NF1: variants seen among roughly 807,000 people sequenced by gnomAD.
The protein encoded by NF1 is neurofibromin 1.
A neutral mutation model predicts 325.7 loss-of-function variants in NF1; 122 were observed. The observed-to-expected ratio is 0.37, with a 90% CI of 0.32 to 0.44. The LOEUF (loss-of-function observed/expected upper bound fraction) is 0.44, where lower values mean the gene tolerates loss of function less well. Ranked by LOEUF, NF1 falls within the 20% of genes least tolerant of loss-of-function variation. The pLI is 1.00. For missense variants in NF1, 2,140 were observed against 3,415.4 expected (o/e 0.63, Z 9.31); for synonymous variants, 1,091 against 1,186.0 (o/e 0.92, Z 1.65).
At chr17:31,282,461 T>A (rs548262228) in intron 36 of NF1, among the ~76,000 whole-genome samples, 1 of 152,116 alleles carries the variant, frequency 6.6e-6, no homozygotes, top group South Asian at 2.1e-4. Context: ...TTAAACATTT[T>A]CATCACTCCA....
At chr17:31,100,397 G>A (rs918494290) in intron 1 of NF1, among the ~76,000 whole-genome samples, 3 of 152,030 alleles carry the variant, frequency 2.0e-5, no homozygotes, top group Non-Finnish European at 2.9e-5. Flanking sequence ...TTTTTATAAG[G>A]CCTTATAGTA....
rs1597866772 is a variant in NF1 at position 31,357,259 on chromosome 17, A to G, written c.7870-10A>G. The stretch of plus-strand genomic sequence containing the variant: ...AAATGTTGTGTGTTTACTTTTTTGC[A>G]TCTTGGCAGGCTACACTGGTAAAAT... On this transcript the variant is annotated splice_polypyrimidine_tract_variant and intron_variant, in intron 53 of 57. Transcript: ENST00000358273. The G allele has an allele frequency of 6.2e-7, 1 of 1,613,100 alleles. No individual in the cohort carries two copies. Among genetic ancestry groups the G allele is most frequent in the Non-Finnish European group, 8.5e-7 (1 of 1,179,164 alleles).
intron 36 of NF1, among the ~76,000 whole-genome samples, chr17:31,298,580 C>T (rs892955365): frequency 6.6e-6 from 1 of 151,902 alleles, no homozygotes; most frequent in African/African-American, 2.4e-5. Flanking sequence ...ACTAATGTTC[C>T]TCGAAAAGTA....
intron 29 of NF1, among the ~76,000 whole-genome samples, chr17:31,247,907 G>A (rs17880910): frequency 0.026 from 3,929 of 152,180 alleles, 192 homozygotes; most frequent in African/African-American, 0.089. Flanking sequence ...AAAAAGTAAA[G>A]ACCTACATCA....
intron 36 of NF1, among the ~76,000 whole-genome samples, chr17:31,293,100 C>G (rs1056997872): frequency 7.4e-6 from 1 of 135,772 alleles, no homozygotes; most frequent in African/African-American, 2.6e-5. Flanking sequence ...ATTGCTTGAA[C>G]CTGGGAGGGG....
In NF1 at chr17:31,232,211, A is replaced by C. The variant is rs2151433957; in HGVS notation, c.3314+22A>C. On this transcript the variant is annotated intron_variant, in intron 25 of 57. Coordinates refer to ENST00000358273, the MANE Select transcript of NF1 (RefSeq NM_001042492.3). ...TTAAGTAAATTTCAGTCACCAAAAAACATAAAGCAAAAAGCAAATAAAGCC... is the reference window on the plus strand; with the variant it reads ...TTAAGTAAATTTCAGTCACCAAAAACCATAAAGCAAAAAGCAAATAAAGCC... 6 of 1,486,480 alleles carry C rather than the reference A, an allele frequency of 4.0e-6. No individual in the cohort carries two copies. The South Asian group carries it at 6.8e-5, about 17-fold the overall frequency. 92.1% of individuals were successfully genotyped at this position (1,486,480 alleles called of 1,614,324 possible).
In NF1 at chr17:31,174,004, T is replaced by C. The variant is rs2065975756; in HGVS notation, c.586+4007T>C. Among the ~76,000 whole-genome samples, 4 of 152,322 alleles carry C rather than the reference T, an allele frequency of 2.6e-5. No individual in the cohort carries two copies. In the South Asian group the frequency reaches 8.3e-4, roughly 32 times the overall value. On this transcript the variant is annotated intron_variant, in intron 5 of 57. Transcript: ENST00000358273. The stretch of plus-strand genomic sequence containing the variant: ...AAAAACTGATTTGGAGAGTTACTTA[T>C]TTGCAAGTCCAGAAAAAAGACTCAT...
Position 31,263,120 on chromosome 17 carries a change from T to TAAGATAAGATA in NF1, c.4724+1264_4724+1265insAGATAAGATAA, listed in dbSNP as rs1555619189. Among the ~76,000 whole-genome samples the TAAGATAAGATA allele has an allele frequency of 2.2e-3, 208 of 95,768 alleles. 2 individuals carry two copies. Among genetic ancestry groups the TAAGATAAGATA allele is most frequent in the African/African-American group, 5.4e-3 (197 of 36,686 alleles). 62.8% of individuals were successfully genotyped at this position (95,768 alleles called of 152,430 possible). On this transcript the variant is annotated intron_variant, in intron 35 of 57. Transcript: ENST00000358273. Reference sequence around the variant, plus strand: ...GTAGGTAGGTAGGTAGATAGATAGATAGATAAGATAAGATAAGATAAGATA... The same window carrying TAAGATAAGATA: ...GTAGGTAGGTAGGTAGATAGATAGATAAGATAAGATAAGATAAGATAAGATAAGATAAGATA...
chr17:31,330,273 A>G lies in NF1; in HGVS notation c.5610-23A>G, dbSNP rs535420665. On this transcript the variant is annotated intron_variant, in intron 38 of 57. Coordinates refer to ENST00000358273, the MANE Select transcript of NF1 (RefSeq NM_001042492.3). ...ATAAGGAAAAATACGTTTTAAAACA[A>G]CTTCATTTGTGTTTTCTCCTAGGTC... 2.5e-6 allele frequency: 4 copies of G among 1,608,808 alleles called. No homozygotes were observed. The East Asian group carries it at 6.7e-5, about 27-fold the overall frequency.
At chr17:31,304,309 T>G in intron 36 of NF1, 1 of 1,613,816 alleles carries the variant, frequency 6.2e-7, no homozygotes, top group Non-Finnish European at 8.5e-7. Flanking sequence ...ATTAAGATCT[T>G]GATCAGAGTT....
chr17:31,295,541 T>G, intron 36 of NF1: 1 of 1,614,160 alleles, frequency 6.2e-7, no homozygotes, highest in Non-Finnish European at 8.5e-7. Flanking sequence ...ATACATGTTA[T>G]GTTCCTTTAA....
chr17:31,117,830 GTCCCTT>G (rs1914087807), intron 1 of NF1, among the ~76,000 whole-genome samples: 1 of 152,006 alleles, frequency 6.6e-6, no homozygotes, highest in Non-Finnish European at 1.5e-5. Context: ...ATGGCAGAAT[GTCCCTT>G]GTTTACCATT....
intron 5 of NF1, 29 bp downstream of exon 5, chr17:31,170,026 A>G: frequency 6.9e-7 from 1 of 1,452,360 alleles, no homozygotes; most frequent in Middle Eastern, 2.1e-4. Context: ...TATATCTGAA[A>G]AAAATCACTG....
At chr17:31,283,112 A>G (rs1419728834) in intron 36 of NF1, among the ~76,000 whole-genome samples, 1 of 152,166 alleles carries the variant, frequency 6.6e-6, no homozygotes, top group Non-Finnish European at 1.5e-5. Flanking sequence ...GTATGTAATT[A>G]TTCAATGATA....
At position 31,163,307 on chromosome 17, in the gene NF1, C is replaced by G. The variant is rs1597635932; in HGVS notation, c.410C>G (p.Ser137Cys). The change falls in exon 4 of 58, where the codon TCT (serine) becomes TGT (cysteine). Residue 137 changes from serine to cysteine, a missense_variant. Physicochemically the swap from Ser to Cys is moderately radical, Grantham distance 112 (BLOSUM62 -1). Coordinates refer to ENST00000358273, the MANE Select transcript of NF1 (RefSeq NM_001042492.3). ...CAGCATGCAGCTGAACTTCGGAATT[C>G]TGCCTCTGGGGTTTTATTTTCTCTC... ...GNQHAAELRN[S>C]ASGVLFSLSC... 6.2e-7 allele frequency: 1 copy of G among 1,614,134 alleles called. No homozygotes were observed. The highest frequency in any genetic ancestry group is 1.1e-5 in the South Asian group (1 of 91,078).
chr17:31,362,713 T>C (rs1436873979), intron 57 of NF1, among the ~76,000 whole-genome samples: 1 of 152,260 alleles, frequency 6.6e-6, no homozygotes, highest in Non-Finnish European at 1.5e-5. Context: ...CCTTTTGGGC[T>C]ACTAAACTGG....
intron 36 of NF1, among the ~76,000 whole-genome samples, chr17:31,274,850 T>G (rs1462214852): frequency 6.6e-6 from 1 of 152,202 alleles, no homozygotes; most frequent in African/African-American, 2.4e-5. Context: ...TCTTTATTGA[T>G]GCTTCAAACA....
intron 1 of NF1, among the ~76,000 whole-genome samples, chr17:31,109,637 G>A (rs1392208693): frequency 6.6e-6 from 1 of 152,096 alleles, no homozygotes; most frequent in Non-Finnish European, 1.5e-5. Context: ...TCTTGCCTCG[G>A]CCTCCCAAAG....
intron 36 of NF1, among the ~76,000 whole-genome samples, chr17:31,324,070 T>TTTTTTG (rs994298070): frequency 6.6e-6 from 1 of 152,172 alleles, no homozygotes; most frequent in African/African-American, 2.4e-5. Context: ...TTTTTTGGTT[T>TTTTTTG]TTTTTGTTTT....
Sources: allele counts gnomAD v4.1 joint callset (sites outside exome capture counted in the v4.1 genomes callset), GRCh38; gene constraint gnomAD v4.1.1; transcripts MANE v1.5; gene names NCBI Gene and HGNC (gene_info 2026-07-23, HGNC 2026-07-21).